FARS2: variants seen among roughly 807,000 people sequenced by gnomAD.
The protein encoded by FARS2 is phenylalanine--tRNA ligase, mitochondrial.
Under a neutral mutation model 46.4 loss-of-function variants are expected in FARS2, and 40 were observed. The observed-to-expected ratio is 0.86, with a 90% CI of 0.67 to 1.12. FARS2 has a LOEUF of 1.12. Among genes scored for constraint, FARS2 ranks in the 50% most tolerant of loss-of-function variants. The pLI is 0.00. For missense variants in FARS2, 513 were observed against 567.9 expected, an observed-to-expected ratio of 0.90 and a Z score of 0.98; for synonymous variants, 234 against 214.9, an observed-to-expected ratio of 1.09 and a Z score of -0.78.
chr6:5,768,747 A>G (rs374774256), intron 6 of FARS2, among the ~76,000 whole-genome samples: 1 of 152,066 alleles, frequency 6.6e-6, no homozygotes, highest in Admixed American at 6.6e-5. Context: ...ACATTTTTTC[A>G]TGTGCTTGTT....
intron 1 of FARS2, among the ~76,000 whole-genome samples, chr6:5,315,749 T>TCTTTCTTC (rs1554162064): frequency 1.9e-4 from 28 of 149,540 alleles, no homozygotes; most frequent in Non-Finnish European, 3.6e-4. Context: ...TTCCTTTCTT[T>TCTTTCTTC]CTTTCTTTCT....
intron 1 of FARS2, among the ~76,000 whole-genome samples, chr6:5,292,283 G>T (rs1293935271): frequency 1.3e-5 from 2 of 152,238 alleles, no homozygotes; most frequent in Non-Finnish European, 2.9e-5. Context: ...AAGCAGAAAA[G>T]TGACCTTTAA....
intron 5 of FARS2, among the ~76,000 whole-genome samples, chr6:5,572,794 C>G (rs1357910456): frequency 6.6e-6 from 1 of 152,040 alleles, no homozygotes; most frequent in Middle Eastern, 3.2e-3. Flanking sequence ...TTTTAAAATG[C>G]TCCCAGTGAT....
intron 2 of FARS2, among the ~76,000 whole-genome samples, chr6:5,390,787 C>T (rs367586834): frequency 6.6e-6 from 1 of 152,158 alleles, no homozygotes; most frequent in Non-Finnish European, 1.5e-5. Flanking sequence ...GCCCCTTTCC[C>T]GTACTCCATG....
chr6:5,585,224 T>C (rs1229895725), intron 5 of FARS2, among the ~76,000 whole-genome samples: 1 of 152,200 alleles, frequency 6.6e-6, no homozygotes, highest in Non-Finnish European at 1.5e-5. Flanking sequence ...AATGTGATGA[T>C]GCGATGTCTG....
intron 1 of FARS2, among the ~76,000 whole-genome samples, chr6:5,318,687 T>C (rs1158092084): frequency 6.6e-6 from 1 of 152,146 alleles, no homozygotes; most frequent in Non-Finnish European, 1.5e-5. Context: ...AGAATTTTCT[T>C]GGGTTTAAAT....
chr6:5,277,150 C>T (rs1337106743), intron 1 of FARS2, among the ~76,000 whole-genome samples: 3 of 151,774 alleles, frequency 2.0e-5, no homozygotes, highest in South Asian at 2.1e-4. Flanking sequence ...GCGAGTGCAG[C>T]GTCATGTCAC....
intron 6 of FARS2, among the ~76,000 whole-genome samples, chr6:5,655,410 A>T (rs904394415): frequency 1.3e-5 from 2 of 152,214 alleles, no homozygotes; most frequent in Non-Finnish European, 2.9e-5. Context: ...TACCACAAAC[A>T]TAGTGGCTTA....
chr6:5,407,043 TTATATA>T lies in FARS2; in HGVS notation c.772+2361_772+2366del, dbSNP rs201074448. Among the ~76,000 whole-genome samples the T allele has an allele frequency of 2.3e-4, 19 of 83,906 alleles. 2 individuals carry two copies. The highest frequency in any genetic ancestry group is 2.0e-3 in the East Asian group (4 of 2,014). The allele number at this position is 83,906 out of a possible 152,430, so 55.0% of individuals were successfully genotyped here. ...AATGGGTGAACATGAAGGTGGCAAA[TTATATA>T]TATATATATATATATATAATGACCA... On this transcript the variant is annotated intron_variant, in intron 3 of 6. Coordinates refer to ENST00000274680, the MANE Select transcript of FARS2 (RefSeq NM_006567.5).
At chr6:5,259,370 A>C (rs1764840141), upstream of FARS2, among the ~76,000 whole-genome samples, 1 of 152,072 alleles carries the variant, frequency 6.6e-6, no homozygotes, top group Non-Finnish European at 1.5e-5. Context: ...TTATTATTAC[A>C]CTCTTTATTC....
intron 1 of FARS2, among the ~76,000 whole-genome samples, chr6:5,262,337 G>T (rs1765221859): frequency 6.6e-6 from 1 of 152,074 alleles, no homozygotes; most frequent in Admixed American, 6.6e-5. Context: ...GAGTGCAGTG[G>T]CGGGATCTCG....
At chr6:5,718,401 C>G (rs1373010397) in intron 6 of FARS2, among the ~76,000 whole-genome samples, 1 of 152,212 alleles carries the variant, frequency 6.6e-6, no homozygotes, top group African/African-American at 2.4e-5. Context: ...GTAAATGAAT[C>G]AGGTACTTGT....
Position 5,533,238 on chromosome 6 carries a change from G to A in FARS2, c.905-11942G>A, listed in dbSNP as rs552691624. On this transcript the variant is annotated intron_variant, in intron 4 of 6. Transcript: ENST00000274680. ...AATATTCACTTGTTTCTGTTACTTT[G>A]TGTGTTCCAATTCTCTCCTTTCTGA... Among the ~76,000 whole-genome samples the A allele has an allele frequency of 6.6e-5, 10 of 152,250 alleles. No homozygotes were observed. In the South Asian group the frequency reaches 2.1e-3, roughly 32 times the overall value.
chr6:5,425,202 A>T (rs935643196), intron 3 of FARS2, among the ~76,000 whole-genome samples: 1 of 152,022 alleles, frequency 6.6e-6, no homozygotes, highest in African/African-American at 2.4e-5. Flanking sequence ...CATGGAGGGT[A>T]CCCCTGGTTT....
chr6:5,757,509 C>A (rs1156773801), intron 6 of FARS2, among the ~76,000 whole-genome samples: 1 of 152,174 alleles, frequency 6.6e-6, no homozygotes, highest in Non-Finnish European at 1.5e-5. Flanking sequence ...AGCAAAATTA[C>A]TTTTTCGCAG....
At chr6:5,476,525 A>C (rs921652358) in intron 4 of FARS2, among the ~76,000 whole-genome samples, 6 of 145,078 alleles carry the variant, frequency 4.1e-5, no homozygotes, top group Non-Finnish European at 7.5e-5. Context: ...ACCAATAAAT[A>C]GTTATTGGAT....
intron 2 of FARS2, among the ~76,000 whole-genome samples, chr6:5,388,704 G>C (rs1760296112): frequency 6.6e-6 from 1 of 151,996 alleles, no homozygotes; most frequent in South Asian, 2.1e-4. Context: ...GAGTGATCTA[G>C]TATTTGCTGA....
At chr6:5,642,465 A>G (rs898544110) in intron 6 of FARS2, among the ~76,000 whole-genome samples, 1 of 152,200 alleles carries the variant, frequency 6.6e-6, no homozygotes, top group South Asian at 2.1e-4. Context: ...CTAAAAAAAA[A>G]TTGTAATTTT....
the FARS2 span, among the ~76,000 whole-genome samples, chr6:5,254,391 G>T: frequency 0.22 from 32,724 of 152,110 alleles, 4,464 homozygotes; most frequent in East Asian, 0.43. Context: ...GGATTTTTAC[G>T]CCACAGGAAT....
Sources: allele counts gnomAD v4.1 joint callset (sites outside exome capture counted in the v4.1 genomes callset), GRCh38; gene constraint gnomAD v4.1.1; transcripts MANE v1.5; gene names NCBI Gene and HGNC (gene_info 2026-07-23, HGNC 2026-07-21).